The following KCNMB2 variants were observed in gnomAD, a reference collection of about 807,000 sequenced individuals.
KCNMB2 encodes the protein potassium calcium-activated channel subfamily M regulatory beta subunit 2.
KCNMB2 carries 9 observed loss-of-function variants against 24.5 expected under a neutral mutation model. That is an observed-to-expected ratio of 0.37 (90% CI 0.22 to 0.64). The LOEUF (loss-of-function observed/expected upper bound fraction) is 0.64. Among genes scored for constraint, KCNMB2 ranks in the 30% least tolerant of loss-of-function variants. The pLI, the probability that KCNMB2 is intolerant of heterozygous loss-of-function variation, is 0.63. For missense variants in KCNMB2, 226 were observed against 284.3 expected (o/e 0.79, Z 1.47); for synonymous variants, 109 against 104.4 (o/e 1.04, Z -0.27).
rs377504885 is a variant in KCNMB2 at position 178,798,828 on chromosome 3, A to T, written c.-67-8515A>T. ...TAGGTGCAGCAAACCACCATGGCAC[A>T]TGTTTACTTATGTAACAAACCTGCA... On this transcript the variant is annotated intron_variant, in intron 1 of 4. Coordinates refer to ENST00000452583, the MANE Select transcript of KCNMB2 (RefSeq NM_181361.3). 3.4e-4 allele frequency among the ~76,000 whole-genome samples: 51 copies of T among 152,202 alleles called. 1 individual carries two copies. The South Asian group carries it at 0.01, about 30-fold the overall frequency.
chr3:178,673,931 A>G (rs940408811), intron 1 of KCNMB2, among the ~76,000 whole-genome samples: 1 of 152,154 alleles, frequency 6.6e-6, no homozygotes, highest in South Asian at 2.1e-4. Flanking sequence ...CACATGTTTT[A>G]ATAAAGTTTA....
chr3:178,665,802 T>C (rs190556201), intron 1 of KCNMB2, among the ~76,000 whole-genome samples: 1 of 152,254 alleles, frequency 6.6e-6, no homozygotes, highest in African/African-American at 2.4e-5. Context: ...CAAATAAATA[T>C]GTAATATAAT....
At chr3:178,567,511 C>G (rs1457954187) in intron 1 of KCNMB2, among the ~76,000 whole-genome samples, 1 of 151,896 alleles carries the variant, frequency 6.6e-6, no homozygotes, top group African/African-American at 2.4e-5. Context: ...ACTTATTTAG[C>G]CTTAAAGCAG....
At chr3:178,781,757 C>T (rs997653049) in intron 1 of KCNMB2, among the ~76,000 whole-genome samples, 2 of 151,604 alleles carry the variant, frequency 1.3e-5, no homozygotes, top group African/African-American at 4.8e-5. Flanking sequence ...GGAGCCTATG[C>T]ACCTGACACT....
At chr3:178,748,046 C>T (rs1333942642) in intron 1 of KCNMB2, among the ~76,000 whole-genome samples, 2 of 152,184 alleles carry the variant, frequency 1.3e-5, no homozygotes, top group East Asian at 3.8e-4. Context: ...AACTTCATTC[C>T]ATTAATTGTC....
At chr3:178,769,563 CATTAATAAT>C (rs1560014081) in intron 1 of KCNMB2, among the ~76,000 whole-genome samples, 1 of 152,220 alleles carries the variant, frequency 6.6e-6, no homozygotes, top group South Asian at 2.1e-4. Context: ...ATTGCAAATC[CATTAATAAT>C]ATTCCAGAAA....
intron 1 of KCNMB2, among the ~76,000 whole-genome samples, chr3:178,797,466 T>C (rs1376489692): frequency 6.6e-6 from 1 of 152,172 alleles, no homozygotes; most frequent in African/African-American, 2.4e-5. Context: ...TGAATATTGA[T>C]GCAAAAATCC....
At chr3:178,644,853 T>C (rs1164418382) in intron 1 of KCNMB2, among the ~76,000 whole-genome samples, 1 of 152,098 alleles carries the variant, frequency 6.6e-6, no homozygotes, top group African/African-American at 2.4e-5. Context: ...TGTAGAGCTT[T>C]AGTTTACCCA....
chr3:178,611,628 C>T (rs1214573404), intron 1 of KCNMB2, among the ~76,000 whole-genome samples: 1 of 152,092 alleles, frequency 6.6e-6, no homozygotes, highest in Non-Finnish European at 1.5e-5. Context: ...TGGTGTGAAC[C>T]CAGGAGGTGG....
At chr3:178,586,360 C>A (rs944676421) in intron 1 of KCNMB2, among the ~76,000 whole-genome samples, 1 of 151,944 alleles carries the variant, frequency 6.6e-6, no homozygotes, top group African/African-American at 2.4e-5. Flanking sequence ...ATTGTGGTAA[C>A]AAATCAAGCA....
intron 1 of KCNMB2, among the ~76,000 whole-genome samples, chr3:178,614,276 T>TATAC (rs1718612343): frequency 9.1e-6 from 1 of 110,146 alleles, no homozygotes; most frequent in Admixed American, 9.9e-5. Flanking sequence ...TATATATATA[T>TATAC]ATATATATAT....
intron 1 of KCNMB2, among the ~76,000 whole-genome samples, chr3:178,695,126 G>A (rs949026040): frequency 2.6e-5 from 4 of 152,232 alleles, no homozygotes; most frequent in African/African-American, 7.2e-5. Flanking sequence ...AACACCACAT[G>A]GAAGTTGCCA....
chr3:178,615,866 G>C (rs1031090722), intron 1 of KCNMB2, among the ~76,000 whole-genome samples: 7 of 152,134 alleles, frequency 4.6e-5, no homozygotes, highest in Admixed American at 1.3e-4. Context: ...AGGGCCCAAG[G>C]CTTCTTCAGT....
intron 1 of KCNMB2, among the ~76,000 whole-genome samples, chr3:178,624,600 T>C (rs199633510): frequency 8.4e-6 from 1 of 119,142 alleles, no homozygotes; most frequent in African/African-American, 3.6e-5. Flanking sequence ...TTTTCTTTCT[T>C]TTTTTTTTTT....
chr3:178,799,890 C>T (rs1165300016), intron 1 of KCNMB2, among the ~76,000 whole-genome samples: 2 of 152,076 alleles, frequency 1.3e-5, no homozygotes, highest in Non-Finnish European at 2.9e-5. Flanking sequence ...ACATTAAACT[C>T]ATTTTCAACA....
At chr3:178,722,400 T>G (rs1722835793) in intron 1 of KCNMB2, among the ~76,000 whole-genome samples, 1 of 152,190 alleles carries the variant, frequency 6.6e-6, no homozygotes, top group South Asian at 2.1e-4. Flanking sequence ...AATATCAAAC[T>G]GTTGGCATCT....
intron 1 of KCNMB2, among the ~76,000 whole-genome samples, chr3:178,574,181 A>T (rs1309387484): frequency 6.6e-6 from 1 of 152,132 alleles, no homozygotes; most frequent in African/African-American, 2.4e-5. Context: ...AACCAAGGAA[A>T]CACACCTCTT....
intron 1 of KCNMB2, among the ~76,000 whole-genome samples, chr3:178,722,145 TA>T (rs1415872512): frequency 1.3e-5 from 2 of 152,188 alleles, no homozygotes; most frequent in Non-Finnish European, 2.9e-5. Context: ...ATTTTTTTTC[TA>T]AAAGTTTAGA....
intron 1 of KCNMB2, among the ~76,000 whole-genome samples, chr3:178,794,261 T>G (rs897433677): frequency 1.3e-5 from 2 of 152,078 alleles, no homozygotes; most frequent in Non-Finnish European, 2.9e-5. Context: ...TCCTAGCTAG[T>G]CTCATGGTGC....
Sources: allele counts gnomAD v4.1 joint callset (sites outside exome capture counted in the v4.1 genomes callset), GRCh38; gene constraint gnomAD v4.1.1; transcripts MANE v1.5; gene names NCBI Gene and HGNC (gene_info 2026-07-23, HGNC 2026-07-21).